Variants in DAB1 observed in about 807,000 individuals in gnomAD.
DAB1 encodes the protein disabled homolog 1.
DAB1 carries 15 observed loss-of-function variants against 64.6 expected under a neutral mutation model. That is an observed-to-expected ratio of 0.23 (90% CI 0.16 to 0.36). The LOEUF (loss-of-function observed/expected upper bound fraction) is 0.36. Ranked by LOEUF, DAB1 falls within the 10% of genes least tolerant of loss-of-function variation. The probability of loss-of-function intolerance (pLI) is 1.00; values close to 1 mark genes in which losing one functional copy is unlikely to be tolerated. For missense variants in DAB1, 596 were observed against 706.7 expected (o/e 0.84, Z 1.78); for synonymous variants, 235 against 251.9 (o/e 0.93, Z 0.64).
intron 7 of DAB1, among the ~76,000 whole-genome samples, chr1:57,647,266 C>CCT (rs1437722816): frequency 6.6e-6 from 1 of 152,170 alleles, no homozygotes; most frequent in African/African-American, 2.4e-5. Context: ...GAATAACCTT[C>CCT]AAACATCGCC....
intron 3 of DAB1, among the ~76,000 whole-genome samples, chr1:58,420,677 C>T (rs1385715667): frequency 2.6e-5 from 4 of 152,188 alleles, no homozygotes; most frequent in Non-Finnish European, 5.9e-5. Context: ...GGTACCTTTA[C>T]TTAACACTTC....
chr1:57,264,812 T>A (rs181768637), intron 2 of DAB1, among the ~76,000 whole-genome samples: 1 of 152,252 alleles, frequency 6.6e-6, no homozygotes. Context: ...GGTCTTAAGA[T>A]GCTTTCTGAT....
intron 2 of DAB1, among the ~76,000 whole-genome samples, chr1:57,184,933 C>T (rs1663372947): frequency 6.6e-6 from 1 of 152,130 alleles, no homozygotes; most frequent in African/African-American, 2.4e-5. Context: ...AGCACATGGA[C>T]CCCGCAGGCA....
chr1:57,220,308 C>T (rs1666761466), intron 2 of DAB1, among the ~76,000 whole-genome samples: 1 of 152,110 alleles, frequency 6.6e-6, no homozygotes, highest in Non-Finnish European at 1.5e-5. Flanking sequence ...ATGCTCTGAG[C>T]TAAAATCATT....
chr1:57,703,044 T>C (rs2101733177), intron 6 of DAB1, among the ~76,000 whole-genome samples: 1 of 151,536 alleles, frequency 6.6e-6, no homozygotes, highest in Middle Eastern at 3.4e-3. Flanking sequence ...TAACTCAAGG[T>C]AGATTAAGAA....
intron 1 of DAB1, among the ~76,000 whole-genome samples, chr1:57,850,599 C>A (rs369342272): frequency 6.6e-6 from 1 of 152,190 alleles, no homozygotes; most frequent in Non-Finnish European, 1.5e-5. Context: ...TGGCTCCCCT[C>A]CCATGTCCTG....
intron 3 of DAB1, among the ~76,000 whole-genome samples, chr1:58,382,897 G>C (rs534743253): frequency 6.6e-6 from 1 of 152,286 alleles, no homozygotes; most frequent in East Asian, 1.9e-4. Context: ...CATGTCACCT[G>C]AGTGATCACA....
intron 3 of DAB1, among the ~76,000 whole-genome samples, chr1:58,411,418 T>C (rs1365609535): frequency 3.3e-5 from 5 of 152,178 alleles, no homozygotes; most frequent in Non-Finnish European, 7.3e-5. Context: ...CATTTATACA[T>C]AGAAGCCAGT....
intron 7 of DAB1, among the ~76,000 whole-genome samples, chr1:57,477,114 T>G (rs74407970): frequency 0.014 from 2,116 of 152,312 alleles, 57 homozygotes; most frequent in African/African-American, 0.048. Context: ...GGACACTGAG[T>G]TGGAATTTGT....
intron 2 of DAB1, among the ~76,000 whole-genome samples, chr1:57,283,650 A>G (rs1437117963): frequency 2.0e-5 from 3 of 152,244 alleles, no homozygotes. Context: ...CTTGACTCCA[A>G]CTTCAGTTTA....
chr1:58,307,700 A>C (rs1662337457), intron 4 of DAB1, among the ~76,000 whole-genome samples: 1 of 151,442 alleles, frequency 6.6e-6, no homozygotes, highest in Admixed American at 6.6e-5. Flanking sequence ...TTCCAGATGG[A>C]GGGAAGAAGC....
At chr1:57,092,744 G>T (rs1248191808) in intron 4 of DAB1, among the ~76,000 whole-genome samples, 1 of 151,718 alleles carries the variant, frequency 6.6e-6, no homozygotes, top group Non-Finnish European at 1.5e-5. Context: ...GAAGTGCAGG[G>T]TGACGGGGGA....
chr1:57,262,079 G>A (rs1255530604), intron 2 of DAB1, among the ~76,000 whole-genome samples: 1 of 152,186 alleles, frequency 6.6e-6, no homozygotes, highest in Non-Finnish European at 1.5e-5. Context: ...TGGTCAACAG[G>A]GGAAACAATT....
chr1:58,416,397 T>A (rs1019960703), intron 3 of DAB1, among the ~76,000 whole-genome samples: 4 of 152,166 alleles, frequency 2.6e-5, no homozygotes, highest in African/African-American at 4.8e-5. Context: ...AGCAAGAGTA[T>A]TAATAATAGT....
chr1:58,189,348 T>C (rs1657259787), intron 4 of DAB1, among the ~76,000 whole-genome samples: 1 of 152,244 alleles, frequency 6.6e-6, no homozygotes, highest in Non-Finnish European at 1.5e-5. Flanking sequence ...TTTAATTTTA[T>C]ATTCAGGAAA....
At chr1:57,558,472 G>C (rs1356473335) in intron 7 of DAB1, among the ~76,000 whole-genome samples, 1 of 152,174 alleles carries the variant, frequency 6.6e-6, no homozygotes, top group Admixed American at 6.5e-5. Flanking sequence ...AAAAAGAACT[G>C]CTTGAGTTTT....
intron 1 of DAB1, among the ~76,000 whole-genome samples, chr1:57,369,015 C>A (rs771185187): frequency 2.6e-5 from 4 of 152,148 alleles, no homozygotes; most frequent in Admixed American, 6.6e-5. Flanking sequence ...GTAAGCATGA[C>A]ATTTGCTCCA....
At chr1:57,167,740 A>G (rs1481884455) in intron 2 of DAB1, among the ~76,000 whole-genome samples, 1 of 152,198 alleles carries the variant, frequency 6.6e-6, no homozygotes, top group Admixed American at 6.5e-5. Flanking sequence ...TCCCCTGTGT[A>G]GCCTTACCCT....
intron 5 of DAB1, among the ~76,000 whole-genome samples, chr1:58,121,419 G>GA (rs1652730659): frequency 6.6e-6 from 1 of 152,076 alleles, no homozygotes; most frequent in Non-Finnish European, 1.5e-5. Context: ...AGGCCCAAGA[G>GA]AAAATCTTAT....
Sources: gnomAD v4.1 joint callset for allele counts (sites outside exome capture counted in the v4.1 genomes callset) on GRCh38, gnomAD v4.1.1 for gene constraint, MANE v1.5 for transcripts, NCBI Gene and HGNC (gene_info 2026-07-23, HGNC 2026-07-21) for gene names.